SHISA9: variants seen among roughly 807,000 people sequenced by gnomAD.
The protein encoded by SHISA9 is shisa family member 9, also known as protein shisa-9.
SHISA9 carries 13 observed loss-of-function variants against 38.0 expected under a neutral mutation model. The ratio of observed to expected loss-of-function variants is 0.34; its 90% CI spans 0.22 to 0.54. SHISA9 has a LOEUF of 0.54. SHISA9 is among the 20% of genes least tolerant of loss of function. The pLI is 0.91. For synonymous variants in SHISA9, 275 were observed against 242.0 expected (o/e 1.14, Z -1.27); for missense variants, 538 against 575.8 (o/e 0.93, Z 0.67).
chr16:13,400,018 C>T, the SHISA9 span, among the ~76,000 whole-genome samples: 1 of 152,226 alleles, frequency 6.6e-6, no homozygotes, highest in African/African-American at 2.4e-5. Context: ...CAGTACCCTG[C>T]CTATCCATCT....
At chr16:12,939,270 G>A (rs1200990504) in intron 2 of SHISA9, among the ~76,000 whole-genome samples, 1 of 152,112 alleles carries the variant, frequency 6.6e-6, no homozygotes, top group African/African-American at 2.4e-5. Context: ...TTTTAGTAGA[G>A]ACGGGGTTTC....
At chr16:13,158,541 T>C (rs1454383370) in intron 2 of SHISA9, among the ~76,000 whole-genome samples, 2 of 152,200 alleles carry the variant, frequency 1.3e-5, no homozygotes, top group Middle Eastern at 6.3e-3. Flanking sequence ...TTTCTCAAGA[T>C]GGCTTATTCA....
the SHISA9 span, among the ~76,000 whole-genome samples, chr16:13,478,077 G>A: frequency 1.3e-5 from 2 of 152,140 alleles, no homozygotes; most frequent in Admixed American, 1.3e-4. Flanking sequence ...GAGCGACATC[G>A]CATTTTCCTC....
At chr16:13,279,217 G>A in the SHISA9 span, among the ~76,000 whole-genome samples, 3 of 151,908 alleles carry the variant, frequency 2.0e-5, no homozygotes, top group African/African-American at 7.2e-5. Context: ...TCCTTTTTGA[G>A]TTGATTTCCA....
intron 2 of SHISA9, among the ~76,000 whole-genome samples, chr16:13,170,202 C>CAAA (rs71147788): frequency 4.3e-5 from 4 of 91,990 alleles, no homozygotes; most frequent in African/African-American, 1.3e-4. Flanking sequence ...GACTCCATCT[C>CAAA]AAAAAAAAAA....
rs185367202 is a variant in SHISA9 at position 13,131,165 on chromosome 16, T to A, written c.692-72229T>A. ...TCTATTATAAAGATACATGCATGTG[T>A]ATGTTCATTGCTGCACTATTCACAA... On this transcript the variant is annotated intron_variant, in intron 2 of 4. Coordinates refer to ENST00000558583, the MANE Select transcript of SHISA9 (RefSeq NM_001145204.3). Among the ~76,000 whole-genome samples the A allele has an allele frequency of 9.2e-5, 14 of 152,298 alleles. No individual in the cohort carries two copies. In the East Asian group the frequency reaches 2.5e-3, roughly 27 times the overall value.
chr16:13,362,430 A>G, the SHISA9 span, among the ~76,000 whole-genome samples: 2 of 152,080 alleles, frequency 1.3e-5, no homozygotes, highest in Non-Finnish European at 2.9e-5. Flanking sequence ...CCTGTCTCAG[A>G]CCAAAAAAAC....
chr16:13,241,455 G>A (rs529723481), downstream of SHISA9, among the ~76,000 whole-genome samples: 8 of 151,496 alleles, frequency 5.3e-5, no homozygotes, highest in South Asian at 1.5e-3. Flanking sequence ...GCGGTGAGCC[G>A]AGATCACACC....
the SHISA9 span, among the ~76,000 whole-genome samples, chr16:13,261,043 G>A: frequency 6.6e-6 from 1 of 152,116 alleles, no homozygotes; most frequent in Non-Finnish European, 1.5e-5. Flanking sequence ...CACAAGAATA[G>A]CAAGGGAAGA....
At chr16:13,381,391 A>C in the SHISA9 span, among the ~76,000 whole-genome samples, 2 of 152,214 alleles carry the variant, frequency 1.3e-5, no homozygotes, top group Admixed American at 1.3e-4. Context: ...TAATTTATCC[A>C]TAGGAAACTA....
the SHISA9 span, among the ~76,000 whole-genome samples, chr16:13,309,784 C>G: frequency 1.3e-5 from 2 of 152,046 alleles, no homozygotes; most frequent in African/African-American, 4.8e-5. Context: ...CATGACCACA[C>G]TCTTGGGAAC....
intron 2 of SHISA9, among the ~76,000 whole-genome samples, chr16:13,149,040 G>A (rs2050474155): frequency 6.6e-6 from 1 of 152,132 alleles, no homozygotes; most frequent in Admixed American, 6.6e-5. Flanking sequence ...AGCAGCAGGT[G>A]TTCTAGGCAA....
At chr16:12,988,887 G>T (rs532009868) in intron 2 of SHISA9, among the ~76,000 whole-genome samples, 1 of 151,960 alleles carries the variant, frequency 6.6e-6, no homozygotes, top group Non-Finnish European at 1.5e-5. Context: ...AATGAAATTC[G>T]CCTGTTGTAA....
At chr16:13,393,487 G>A in the SHISA9 span, among the ~76,000 whole-genome samples, 1 of 152,070 alleles carries the variant, frequency 6.6e-6, no homozygotes, top group African/African-American at 2.4e-5. Context: ...TGATATTTTT[G>A]TAGAAGTTTC....
intron 2 of SHISA9, among the ~76,000 whole-genome samples, chr16:13,026,438 A>G (rs893534682): frequency 7.2e-5 from 11 of 152,228 alleles, no homozygotes; most frequent in African/African-American, 2.7e-4. Context: ...ATTCCATTGT[A>G]TGACTACATC....
the SHISA9 span, among the ~76,000 whole-genome samples, chr16:13,421,437 G>A: frequency 2.6e-5 from 4 of 152,070 alleles, no homozygotes; most frequent in South Asian, 2.1e-4. Flanking sequence ...ATGCAAAAGC[G>A]GAAACCCCTG....
At chr16:13,451,518 G>T in the SHISA9 span, among the ~76,000 whole-genome samples, 1 of 152,168 alleles carries the variant, frequency 6.6e-6, no homozygotes, top group Non-Finnish European at 1.5e-5. Context: ...AAGGTGGAGG[G>T]ATTACTTTTA....
intron 2 of SHISA9, among the ~76,000 whole-genome samples, chr16:13,162,331 A>G (rs2050602188): frequency 6.6e-6 from 1 of 152,184 alleles, no homozygotes; most frequent in Non-Finnish European, 1.5e-5. Flanking sequence ...CTTGGGAAAC[A>G]GGGAAGGGAG....
At chr16:13,085,238 GTCTATATA>G (rs1441460681) in intron 2 of SHISA9, among the ~76,000 whole-genome samples, 2 of 151,786 alleles carry the variant, frequency 1.3e-5, no homozygotes, top group East Asian at 1.9e-4. Context: ...CTATATCTAT[GTCTATATA>G]TCTATATATC....
Sources: allele counts gnomAD v4.1 joint callset (sites outside exome capture counted in the v4.1 genomes callset), GRCh38; gene constraint gnomAD v4.1.1; transcripts MANE v1.5; gene names NCBI Gene and HGNC (gene_info 2026-07-23, HGNC 2026-07-21).